The following NDUFS4 variants were observed in gnomAD, a reference collection of about 807,000 sequenced individuals.
NDUFS4 encodes NADH dehydrogenase [ubiquinone] iron-sulfur protein 4, mitochondrial.
NDUFS4 carries 28 observed loss-of-function variants against 24.3 expected under a neutral mutation model. That is an observed-to-expected ratio of 1.15 (90% CI 0.85 to 1.58). NDUFS4 has a LOEUF of 1.58. NDUFS4 is among the 40% of genes most tolerant of loss of function. The pLI is 0.00. For missense variants in NDUFS4, 223 were observed against 207.9 expected (o/e 1.07, Z -0.45); for synonymous variants, 93 against 69.7 (o/e 1.34, Z -1.67).
intron 1 of NDUFS4, among the ~76,000 whole-genome samples, chr5:53,561,512 GA>G (rs1178002518): frequency 2.4e-4 from 3 of 12,464 alleles, no homozygotes; most frequent in African/African-American, 3.2e-4. Context: ...TTTTTGTGAT[GA>G]TTTTTTTTTT....
chr5:53,651,185 G>A (rs1337955436), intron 3 of NDUFS4, among the ~76,000 whole-genome samples: 1 of 151,706 alleles, frequency 6.6e-6, no homozygotes, highest in Non-Finnish European at 1.5e-5. Context: ...AAAAATATAA[G>A]AATAAAATTA....
At chr5:53,585,043 G>T (rs1025280813) in intron 1 of NDUFS4, among the ~76,000 whole-genome samples, 4 of 152,180 alleles carry the variant, frequency 2.6e-5, no homozygotes, top group African/African-American at 4.8e-5. Flanking sequence ...GATTTCAGAC[G>T]TGGGCCATAG....
At chr5:53,625,107 A>G (rs995061288) in intron 2 of NDUFS4, among the ~76,000 whole-genome samples, 1 of 151,914 alleles carries the variant, frequency 6.6e-6, no homozygotes, top group African/African-American at 2.4e-5. Flanking sequence ...CACTATACCC[A>G]GATAGTTTTG....
At chr5:53,581,669 G>C (rs1391037476) in intron 1 of NDUFS4, among the ~76,000 whole-genome samples, 1 of 151,980 alleles carries the variant, frequency 6.6e-6, no homozygotes, top group Admixed American at 6.6e-5. Context: ...CCTTCAGGTG[G>C]CAGTTTAACC....
At chr5:53,665,666 C>T (rs911406176) in intron 4 of NDUFS4, among the ~76,000 whole-genome samples, 8 of 152,220 alleles carry the variant, frequency 5.3e-5, no homozygotes, top group Admixed American at 1.3e-4. Flanking sequence ...TTTGCTAAGA[C>T]CGTTGGAAAA....
chr5:53,651,330 T>C (rs1361349489), intron 3 of NDUFS4, among the ~76,000 whole-genome samples: 1 of 151,958 alleles, frequency 6.6e-6, no homozygotes, highest in Non-Finnish European at 1.5e-5. Flanking sequence ...CTTTGTGAAA[T>C]ATTTTAAATC....
chr5:53,658,068 C>T (rs1752216187), intron 3 of NDUFS4, among the ~76,000 whole-genome samples: 1 of 151,822 alleles, frequency 6.6e-6, no homozygotes, highest in Admixed American at 6.6e-5. Context: ...TTTTTTTATG[C>T]TTTAAAAGAA....
At chr5:53,663,505 T>C (rs141790140) in intron 4 of NDUFS4, among the ~76,000 whole-genome samples, 5,368 of 152,288 alleles carry the variant, frequency 0.035, 328 homozygotes, top group African/African-American at 0.12. Context: ...GCTTTATGAA[T>C]CTGGGTGCTC....
intron 1 of NDUFS4, among the ~76,000 whole-genome samples, chr5:53,573,243 G>A (rs930783995): frequency 1.3e-5 from 2 of 151,992 alleles, no homozygotes; most frequent in East Asian, 1.9e-4. Context: ...CCAAAGTACT[G>A]GGATTACAGG....
chr5:53,636,678 A>C (rs552518673), intron 2 of NDUFS4, among the ~76,000 whole-genome samples: 2 of 152,300 alleles, frequency 1.3e-5, no homozygotes, highest in South Asian at 4.1e-4. Flanking sequence ...GTGGAGATGT[A>C]ATCCCCGACA....
chr5:53,633,723 A>G (rs576412837), intron 2 of NDUFS4, among the ~76,000 whole-genome samples: 1 of 152,320 alleles, frequency 6.6e-6, no homozygotes, highest in South Asian at 2.1e-4. Context: ...GGTAGAAGAA[A>G]AGATATTTTG....
At chr5:53,647,352 A>T (rs186388878) in intron 3 of NDUFS4, among the ~76,000 whole-genome samples, 1 of 151,990 alleles carries the variant, frequency 6.6e-6, no homozygotes, top group Non-Finnish European at 1.5e-5. Context: ...GTAGCTGGGA[A>T]TATAGGTGCA....
chr5:53,658,776 C>T, intron 4 of NDUFS4, 152 bp downstream of exon 4: 1 of 358,590 alleles, frequency 2.8e-6, no homozygotes, highest in Non-Finnish European at 4.8e-6. Flanking sequence ...CATCAGAACA[C>T]CCACCTCCAA....
intron 2 of NDUFS4, among the ~76,000 whole-genome samples, chr5:53,617,131 G>C (rs1750864803): frequency 6.6e-6 from 1 of 152,196 alleles, no homozygotes; most frequent in Admixed American, 6.5e-5. Flanking sequence ...CTGAGGTGCT[G>C]TCCACCAGTT....
At chr5:53,627,932 G>A (rs1188036512) in intron 2 of NDUFS4, among the ~76,000 whole-genome samples, 1 of 152,192 alleles carries the variant, frequency 6.6e-6, no homozygotes, top group East Asian at 1.9e-4. Context: ...AATAGGAGTG[G>A]TGAGAGAGGG....
At chr5:53,583,578 A>G (rs1749643567) in intron 1 of NDUFS4, among the ~76,000 whole-genome samples, 1 of 152,256 alleles carries the variant, frequency 6.6e-6, no homozygotes, top group African/African-American at 2.4e-5. Context: ...CATTCTGTTT[A>G]TAGTCTGCAT....
chr5:53,562,090 G>A (rs1008439729), intron 1 of NDUFS4, among the ~76,000 whole-genome samples: 2 of 151,646 alleles, frequency 1.3e-5, no homozygotes, highest in South Asian at 2.1e-4. Flanking sequence ...TGCAACCTCC[G>A]CCTCCCGGGT....
intron 1 of NDUFS4, among the ~76,000 whole-genome samples, chr5:53,566,849 ATTTT>A (rs34167752): frequency 7.3e-6 from 1 of 136,688 alleles, no homozygotes. Context: ...ACCGCCAAGT[ATTTT>A]TTTTTTTTTT....
At chr5:53,590,426 G>A (rs1252568245) in intron 1 of NDUFS4, among the ~76,000 whole-genome samples, 1 of 152,148 alleles carries the variant, frequency 6.6e-6, no homozygotes, top group Non-Finnish European at 1.5e-5. Flanking sequence ...GTTAATAATT[G>A]GTAGGACATA....
Sources: allele counts gnomAD v4.1 joint callset (sites outside exome capture counted in the v4.1 genomes callset), GRCh38; gene constraint gnomAD v4.1.1; transcripts MANE v1.5; gene names NCBI Gene and HGNC (gene_info 2026-07-23, HGNC 2026-07-21).